MACO1: variants seen among roughly 807,000 people sequenced by gnomAD.
The protein encoded by MACO1 is macoilin 1.
MACO1 carries 14 observed loss-of-function variants against 78.7 expected under a neutral mutation model. The ratio of observed to expected loss-of-function variants is 0.18; its 90% CI spans 0.12 to 0.28. The LOEUF (loss-of-function observed/expected upper bound fraction) is 0.28. MACO1 is among the 10% of genes least tolerant of loss of function. The probability of loss-of-function intolerance (pLI) is 1.00; values close to 1 mark genes in which losing one functional copy is unlikely to be tolerated. For synonymous variants in MACO1, 288 were observed against 291.6 expected (o/e 0.99, Z 0.12); for missense variants, 501 against 799.0 (o/e 0.63, Z 4.50).
Position 25,480,930 on chromosome 1 carries a change from ATATATAT to A in MACO1, c.1155-3185_1155-3179del, listed in dbSNP as rs1320246832. On this transcript the variant is annotated intron_variant, in intron 6 of 10. Coordinates refer to ENST00000374343, the MANE Select transcript of MACO1 (RefSeq NM_018202.6). ...GACTTGGTTAAAAAAAAAAAAAAAA[ATATATAT>A]ATATATATATATATATATATATATA... Among the ~76,000 whole-genome samples, 101 of 75,242 alleles carry A rather than the reference ATATATAT, an allele frequency of 1.3e-3. 2 individuals carry two copies. Among genetic ancestry groups the A allele is most frequent in the Non-Finnish European group, 1.8e-3 (73 of 40,154 alleles). 49.4% of individuals were successfully genotyped at this position (75,242 alleles called of 152,430 possible). A position where few individuals can be genotyped will look rare whatever the true frequency, so the allele number is the denominator to read the frequency against.
intron 8 of MACO1, among the ~76,000 whole-genome samples, chr1:25,488,503 CT>C (rs1283192031): frequency 1.3e-5 from 2 of 148,800 alleles, no homozygotes; most frequent in African/African-American, 4.9e-5. Flanking sequence ...TTTTTTTTTT[CT>C]TTTTTTTGAG....
intron 10 of MACO1, among the ~76,000 whole-genome samples, chr1:25,497,902 A>G (rs1472875317): frequency 3.9e-5 from 6 of 152,354 alleles, no homozygotes; most frequent in Non-Finnish European, 8.8e-5. Context: ...ACTTCTTTAC[A>G]TCAACCACAC....
At chr1:25,468,533 G>A (rs539197756) in intron 6 of MACO1, among the ~76,000 whole-genome samples, 1 of 152,256 alleles carries the variant, frequency 6.6e-6, no homozygotes, top group South Asian at 2.1e-4. Context: ...AAAAGAAAGT[G>A]CCTTTTCTTA....
chr1:25,462,248 A>G (rs1409247156), intron 6 of MACO1, among the ~76,000 whole-genome samples: 1 of 152,106 alleles, frequency 6.6e-6, no homozygotes. Context: ...TCAGGCCAAC[A>G]AACTTCCCCA....
Position 25,431,131 on chromosome 1 carries a change from C to A in MACO1, c.33C>A (p.Leu11=). The change falls in exon 1 of 11, where the codon CTC becomes CTA. Residue 11 remains leucine (L), a synonymous_variant. Transcript: ENST00000374343. ...GGCGGAACGCCGACTGCAGTAAGCT[C>A]CGCCGCCCCCTAAAGCGGAACCGGA... MKRRNADCSK[L]RRPLKRNRIT... is the part of the protein sequence containing the mutation. 6.3e-7 allele frequency: 1 copy of A among 1,598,128 alleles called. No homozygotes were observed. The highest frequency in any genetic ancestry group is 1.7e-5 in the Admixed American group (1 of 58,666).
chr1:25,489,587 AGATTAGTGTCCTTTG>A lies in MACO1; in HGVS notation c.1617+295_1617+309del, dbSNP rs537071239. Among the ~76,000 whole-genome samples, 131 of 152,332 alleles carry A rather than the reference AGATTAGTGTCCTTTG, an allele frequency of 8.6e-4. 1 individual carries two copies. Among genetic ancestry groups the A allele is most frequent in the African/African-American group, 3.1e-3 (129 of 41,572 alleles). ...ATTTAACTTTTTCAGGTTATAGGCC[AGATTAGTGTCCTTTG>A]AAACTTACACACCTCCTTTTAGCCC... On this transcript the variant is annotated intron_variant, in intron 9 of 10. Coordinates refer to ENST00000374343, the MANE Select transcript of MACO1 (RefSeq NM_018202.6).
At chr1:25,434,930 G>T (rs1164094161) in intron 1 of MACO1, among the ~76,000 whole-genome samples, 1 of 151,958 alleles carries the variant, frequency 6.6e-6, no homozygotes, top group Non-Finnish European at 1.5e-5. Context: ...ATTCTGTATG[G>T]TTTACCCCTA....
intron 6 of MACO1, among the ~76,000 whole-genome samples, chr1:25,467,283 C>G (rs1226943589): frequency 1.3e-5 from 2 of 152,082 alleles, no homozygotes; most frequent in East Asian, 1.9e-4. Flanking sequence ...AGAAATCACT[C>G]TCTAAGATCA....
At chr1:25,476,851 A>G (rs1056846681) in intron 6 of MACO1, among the ~76,000 whole-genome samples, 2 of 152,194 alleles carry the variant, frequency 1.3e-5, no homozygotes, top group Non-Finnish European at 2.9e-5. Context: ...TTTAAATTAA[A>G]AATCAGATGG....
At chr1:25,487,379 C>G (rs1042010369) in intron 8 of MACO1, among the ~76,000 whole-genome samples, 14 of 152,292 alleles carry the variant, frequency 9.2e-5, no homozygotes, top group Admixed American at 7.8e-4. Context: ...TCTCGAACTC[C>G]TGACCTCAGG....
In MACO1 at chr1:25,430,902, T is replaced by G. The variant is rs2042855405; in HGVS notation, c.-197T>G. On this transcript the variant is annotated 5_prime_UTR_variant, in exon 1 of 11. The change creates a new upstream start codon in the 5' untranslated region. Transcript: ENST00000374343. ...GGCGGGCGGGCCCCGGAATTGTCAT[T>G]TCTTTGTTTCCGAAGGCGGAGGAGG... 2.2e-6 allele frequency: 1 copy of G among 456,892 alleles called. No homozygotes were observed. The highest frequency in any genetic ancestry group is 3.9e-6 in the Non-Finnish European group (1 of 256,460). 28.3% of individuals were successfully genotyped at this position (456,892 alleles called of 1,614,324 possible).
At chr1:25,455,983 G>A (rs577813392) in intron 4 of MACO1, among the ~76,000 whole-genome samples, 129 of 152,202 alleles carry the variant, frequency 8.5e-4, no homozygotes, top group Non-Finnish European at 1.4e-3. Flanking sequence ...ATACAGGCCA[G>A]GCGTGGTGGC....
intron 4 of MACO1, 82 bp downstream of exon 4, chr1:25,454,464 GTGTGTGTATATATATA>G (rs1202683115): frequency 1.7e-4 from 30 of 178,220 alleles, no homozygotes; most frequent in Admixed American, 1.4e-4. Context: ...GTGTGTGTGT[GTGTGTGTATATATATA>G]TATATATATT....
intron 1 of MACO1, among the ~76,000 whole-genome samples, chr1:25,445,837 C>T (rs1200068903): frequency 6.6e-6 from 1 of 151,856 alleles, no homozygotes; most frequent in Non-Finnish European, 1.5e-5. Context: ...TTTTTTAATA[C>T]CTAAATTTGA....
chr1:25,453,993 G>A (rs776004572), intron 3 of MACO1, among the ~76,000 whole-genome samples: 16 of 152,034 alleles, frequency 1.1e-4, no homozygotes, highest in Non-Finnish European at 2.4e-4. Flanking sequence ...ATTTGTAGGA[G>A]CTCTTTGTAT....
chr1:25,431,044 AGCTGAGGTGAGAGACGGCGGCGGCG>A lies in MACO1; in HGVS notation c.-52_-28del. ...CGCGGGGCGGGCCAGCGGCGGCGGCAGCTGAGGTGAGAGACGGCGGCGGCGGCGCGGGCACCCGGCCCCCCAGCGG... is the reference window on the plus strand; with the variant it reads ...CGCGGGGCGGGCCAGCGGCGGCGGCAGCGCGGGCACCCGGCCCCCCAGCGG... On this transcript the variant is annotated 5_prime_UTR_variant, in exon 1 of 11. Transcript: ENST00000374343. 1 of 1,329,276 alleles carries A rather than the reference AGCTGAGGTGAGAGACGGCGGCGGCG, an allele frequency of 7.5e-7. No individual in the cohort carries two copies. The highest frequency in any genetic ancestry group is 1.0e-6 in the Non-Finnish European group (1 of 996,072). The allele number at this position is 1,329,276 out of a possible 1,614,324, so 82.3% of individuals were successfully genotyped here. A position where few individuals can be genotyped will look rare whatever the true frequency, so the allele number is the denominator to read the frequency against.
intron 6 of MACO1, among the ~76,000 whole-genome samples, chr1:25,480,929 AATATATAT>A (rs202050214): frequency 4.4e-3 from 208 of 47,528 alleles, no homozygotes; most frequent in East Asian, 0.015. Context: ...AAAAAAAAAA[AATATATAT>A]ATATATATAT....
chr1:25,442,482 G>T (rs2042981271), intron 1 of MACO1, among the ~76,000 whole-genome samples: 1 of 152,206 alleles, frequency 6.6e-6, no homozygotes, highest in African/African-American at 2.4e-5. Flanking sequence ...TAGGGAAAAG[G>T]TCAGGTACTA....
intron 1 of MACO1, among the ~76,000 whole-genome samples, chr1:25,440,016 C>CA (rs200908330): frequency 0.077 from 8,252 of 106,886 alleles, 747 homozygotes; most frequent in African/African-American, 0.24. Context: ...AACTCTGTCT[C>CA]AAAAAAAAAA....
Sources: gnomAD v4.1 joint callset for allele counts (sites outside exome capture counted in the v4.1 genomes callset) on GRCh38, gnomAD v4.1.1 for gene constraint, MANE v1.5 for transcripts, NCBI Gene and HGNC (gene_info 2026-07-23, HGNC 2026-07-21) for gene names.